FER: variants seen among roughly 807,000 people sequenced by gnomAD.
FER encodes the protein FER tyrosine kinase, also known as tyrosine-protein kinase Fer.
FER carries 63 observed loss-of-function variants against 111.0 expected under a neutral mutation model. That is an observed-to-expected ratio of 0.57 (90% CI 0.46 to 0.70). FER has a LOEUF of 0.70. Ranked by LOEUF, FER falls within the 30% of genes least tolerant of loss-of-function variation. FER has a pLI of 0.00. For missense variants in FER, 914 were observed against 954.0 expected (o/e 0.96, Z 0.55); for synonymous variants, 327 against 313.9 (o/e 1.04, Z -0.44).
intron 17 of FER, among the ~76,000 whole-genome samples, chr5:109,175,680 A>G (rs770261855): frequency 1.3e-5 from 2 of 152,254 alleles, no homozygotes; most frequent in Non-Finnish European, 2.9e-5. Flanking sequence ...AATGGAAGAA[A>G]ATATTTGCAA....
At chr5:108,990,620 G>A (rs942628986) in intron 13 of FER, among the ~76,000 whole-genome samples, 2 of 151,636 alleles carry the variant, frequency 1.3e-5, no homozygotes, top group South Asian at 2.1e-4. Flanking sequence ...AAATATTTGG[G>A]AAGTATTAAT....
intron 5 of FER, among the ~76,000 whole-genome samples, chr5:108,865,693 A>G (rs1023555402): frequency 6.6e-6 from 1 of 152,226 alleles, no homozygotes; most frequent in Non-Finnish European, 1.5e-5. Context: ...TCATCTGACA[A>G]AGGGCTAATA....
At chr5:108,849,015 T>C (rs1256394066) in intron 5 of FER, among the ~76,000 whole-genome samples, 1 of 149,706 alleles carries the variant, frequency 6.7e-6, no homozygotes, top group Non-Finnish European at 1.5e-5. Context: ...AAATCTGCTC[T>C]AATCCTTATC....
At chr5:109,047,746 T>G (rs1385552830) in intron 16 of FER, among the ~76,000 whole-genome samples, 1 of 152,178 alleles carries the variant, frequency 6.6e-6, no homozygotes, top group Non-Finnish European at 1.5e-5. Context: ...AACCTCTTTT[T>G]TGATGGTTAT....
chr5:109,164,457 T>A (rs1051048008), intron 17 of FER, among the ~76,000 whole-genome samples: 2 of 152,210 alleles, frequency 1.3e-5, no homozygotes, highest in East Asian at 3.8e-4. Context: ...GCCTACTCCA[T>A]TTGTGCTGAT....
chr5:109,041,651 C>T (rs1415009181), intron 14 of FER, among the ~76,000 whole-genome samples: 1 of 152,082 alleles, frequency 6.6e-6, no homozygotes, highest in Non-Finnish European at 1.5e-5. Context: ...TTGGAAGGTC[C>T]TTTAAATGTC....
At chr5:108,847,513 C>G (rs1230733146) in intron 5 of FER, among the ~76,000 whole-genome samples, 2 of 152,156 alleles carry the variant, frequency 1.3e-5, no homozygotes, top group East Asian at 3.9e-4. Flanking sequence ...ACATTGTCAA[C>G]TTGGTCCAGT....
intron 13 of FER, among the ~76,000 whole-genome samples, chr5:109,005,522 C>T (rs1228426647): frequency 6.6e-6 from 1 of 152,036 alleles, no homozygotes; most frequent in East Asian, 1.9e-4. Flanking sequence ...AAGATTCCAA[C>T]GTTTGTGCAT....
intron 10 of FER, among the ~76,000 whole-genome samples, chr5:108,935,976 G>A (rs1369078229): frequency 1.3e-5 from 2 of 151,880 alleles, no homozygotes; most frequent in African/African-American, 2.4e-5. Context: ...AGAGTCCTTG[G>A]GAAATATGAG....
chr5:109,037,374 A>G (rs73779109), intron 13 of FER, 48 bp from the exon 14 acceptor site: 85,543 of 1,519,396 alleles, frequency 0.056, 2,876 homozygotes, highest in South Asian at 0.1. Context: ...AACTTCAAGA[A>G]GTGTACCCTT....
At chr5:109,182,885 G>T (rs559026019) in intron 18 of FER, among the ~76,000 whole-genome samples, 20 of 151,988 alleles carry the variant, frequency 1.3e-4, no homozygotes, top group African/African-American at 4.8e-4. Context: ...TTTGTCACCC[G>T]GGCTGGAGTG....
intron 10 of FER, among the ~76,000 whole-genome samples, chr5:108,927,480 T>C (rs866691874): frequency 3.5e-4 from 53 of 151,960 alleles, no homozygotes; most frequent in African/African-American, 1.2e-3. Flanking sequence ...AGGATGGTCT[T>C]GATCTCCTGA....
chr5:108,980,246 T>C lies in FER; in HGVS notation c.1656+20899T>C, dbSNP rs372664746. 8.2e-4 allele frequency among the ~76,000 whole-genome samples: 125 copies of C among 152,220 alleles called. 5 individuals carry two copies. In the South Asian group the frequency reaches 0.025, roughly 31 times the overall value. Reference sequence around the variant, plus strand: ...CTGTGAATGACATTCATTTCAGCCATGTACCATGCCTCTATGTATAAATTT... The same window carrying C: ...CTGTGAATGACATTCATTTCAGCCACGTACCATGCCTCTATGTATAAATTT... On this transcript the variant is annotated intron_variant, in intron 13 of 19. Coordinates refer to ENST00000281092, the MANE Select transcript of FER (RefSeq NM_005246.4).
At chr5:109,144,170 C>G (rs1219425188) in intron 17 of FER, among the ~76,000 whole-genome samples, 2 of 152,026 alleles carry the variant, frequency 1.3e-5, no homozygotes, top group African/African-American at 2.4e-5. Context: ...TCCCGACTTC[C>G]CTGCTCATTT....
At chr5:109,013,396 A>T (rs1325385055) in intron 13 of FER, among the ~76,000 whole-genome samples, 1 of 151,966 alleles carries the variant, frequency 6.6e-6, no homozygotes, top group Non-Finnish European at 1.5e-5. Flanking sequence ...ATGTCCCTAC[A>T]GAGGACATGA....
intron 11 of FER, among the ~76,000 whole-genome samples, chr5:108,947,537 A>T (rs1757147145): frequency 6.6e-6 from 1 of 151,954 alleles, no homozygotes; most frequent in Admixed American, 6.6e-5. Flanking sequence ...GCACATTTTA[A>T]AATTGCTTAT....
At chr5:108,901,466 CA>C (rs972596819) in intron 10 of FER, among the ~76,000 whole-genome samples, 3 of 152,064 alleles carry the variant, frequency 2.0e-5, no homozygotes, top group Admixed American at 6.6e-5. Context: ...GTGATTATGG[CA>C]TAATAGGTTA....
At chr5:109,091,232 A>C (rs1224170652) in intron 16 of FER, among the ~76,000 whole-genome samples, 2 of 152,194 alleles carry the variant, frequency 1.3e-5, no homozygotes, top group East Asian at 3.8e-4. Flanking sequence ...TACACTTTTA[A>C]GGGGGCTGGG....
chr5:109,025,793 C>G (rs1768641189), intron 13 of FER, among the ~76,000 whole-genome samples: 1 of 151,864 alleles, frequency 6.6e-6, no homozygotes, highest in Non-Finnish European at 1.5e-5. Flanking sequence ...GAAATACATC[C>G]CATCAATACC....
Sources: gnomAD v4.1 joint callset for allele counts (sites outside exome capture counted in the v4.1 genomes callset) on GRCh38, gnomAD v4.1.1 for gene constraint, MANE v1.5 for transcripts, NCBI Gene and HGNC (gene_info 2026-07-23, HGNC 2026-07-21) for gene names.